Variants in DIAPH2 observed in about 807,000 individuals in gnomAD.
The protein encoded by DIAPH2 is protein diaphanous homolog 2.
In DIAPH2, 35 loss-of-function variants were observed where a neutral mutation model predicts 92.7. The observed-to-expected ratio is 0.38, with a 90% CI of 0.29 to 0.50. The LOEUF (loss-of-function observed/expected upper bound fraction) is 0.50, where lower values mean the gene tolerates loss of function less well. Ranked by LOEUF, DIAPH2 falls within the 20% of genes least tolerant of loss-of-function variation. The pLI, the probability that DIAPH2 is intolerant of heterozygous loss-of-function variation, is 0.94. For missense variants in DIAPH2, 701 were observed against 819.5 expected (o/e 0.86, Z 1.77); for synonymous variants, 301 against 280.4 (o/e 1.07, Z -0.73).
intron 10 of DIAPH2, among the ~76,000 whole-genome samples, chrX:96,933,416 A>G (rs981966384): frequency 2.2e-4 from 23 of 105,534 alleles, no homozygotes; most frequent in African/African-American, 6.2e-4. Context: ...TGCAGCCTCA[A>G]TCTCCTGTGC....
rs1368730505 is a variant in DIAPH2, at chrX:96,976,110, CA to C, written c.2050+10904del. On this transcript the variant is annotated intron_variant, in intron 17 of 26. Transcript: ENST00000324765. Reference sequence around the variant, plus strand: ...CACTGCGGCCTCGACCTCCCAGGGTCATGTGATCCTCCAACCTCAGCCTCCC... The same window carrying C: ...CACTGCGGCCTCGACCTCCCAGGGTCTGTGATCCTCCAACCTCAGCCTCCC... 8.6e-4 allele frequency among the ~76,000 whole-genome samples: 90 copies of C among 105,036 alleles called. 1 individual carries two copies. Among genetic ancestry groups the C allele is most frequent in the African/African-American group, 3.1e-3 (89 of 28,919 alleles). The allele number at this position is 105,036 out of a possible 115,157, so 91.2% of individuals were successfully genotyped here.
rs763781923 is a variant in DIAPH2 at position 97,187,281 on chromosome X, C to CTTTTTTTTTTTTTTTTTTTTTTTT, written c.2719+45510_2719+45511insTTTTTTTTTTTTTTTTTTTTTTTT. The stretch of plus-strand genomic sequence containing the variant: ...AGGGATTGAAGACTAATTAAGTAGC[C>CTTTTTTTTTTTTTTTTTTTTTTTT]TTTTTTTTTTTTTTTTTTTTTTTGC... On this transcript the variant is annotated intron_variant, in intron 22 of 26. Coordinates refer to ENST00000324765, the MANE Select transcript of DIAPH2 (RefSeq NM_006729.5). 1.6e-4 allele frequency among the ~76,000 whole-genome samples: 6 copies of CTTTTTTTTTTTTTTTTTTTTTTTT among 36,883 alleles called. 1 individual carries two copies. Among genetic ancestry groups the CTTTTTTTTTTTTTTTTTTTTTTTT allele is most frequent in the African/African-American group, 4.1e-4 (4 of 9,669 alleles). The allele number at this position is 36,883 out of a possible 115,157, so 32.0% of individuals were successfully genotyped here.
At chrX:97,412,601 C>T (rs180925080) in intron 25 of DIAPH2, among the ~76,000 whole-genome samples, 34 of 111,466 alleles carry the variant, frequency 3.1e-4, no homozygotes, top group Admixed American at 2.7e-3. Flanking sequence ...TTCAAAAAAT[C>T]AATGAATCCA....
At chrX:97,275,458 G>C (rs1306715868) in intron 23 of DIAPH2, among the ~76,000 whole-genome samples, 1 of 99,959 alleles carries the variant, frequency 1.0e-5, no homozygotes, top group Non-Finnish European at 2.1e-5. Context: ...GCTGCCGGGC[G>C]GAGACGCTCC....
At chrX:96,900,590 G>C (rs2065386379) in intron 5 of DIAPH2, among the ~76,000 whole-genome samples, 1 of 111,033 alleles carries the variant, frequency 9.0e-6, no homozygotes, top group South Asian at 3.9e-4. Flanking sequence ...GCTTTGGGTT[G>C]GTCATATATG....
chrX:96,918,738 T>G, intron 9 of DIAPH2, 121 bp downstream of exon 9: 1 of 458,187 alleles, frequency 2.2e-6, no homozygotes, highest in Non-Finnish European at 3.7e-6. Flanking sequence ...AAATTTTTTC[T>G]GTTGCTAGTT....
chrX:97,061,851 G>T (rs2066601399), intron 17 of DIAPH2, among the ~76,000 whole-genome samples: 1 of 102,859 alleles, frequency 9.7e-6, no homozygotes, highest in South Asian at 4.4e-4. Context: ...ATTTTTAACT[G>T]CTTTTGATTT....
chrX:97,512,191 C>G (rs1269816345), intron 26 of DIAPH2, among the ~76,000 whole-genome samples: 270 of 113,169 alleles, frequency 2.4e-3, no homozygotes, highest in African/African-American at 8.1e-3. Flanking sequence ...TTCAGAGACT[C>G]TTATTGGTCT....
rs184160794 is a variant in DIAPH2 at position 96,907,082 on chromosome X, C to T, written c.588-5246C>T. On this transcript the variant is annotated intron_variant, in intron 5 of 26. Transcript: ENST00000324765. ...GTAGCATGTTAAGACAGTTCTTTAA[C>T]TTAGGTAACTTATAACACAAAATCA... Among the ~76,000 whole-genome samples the T allele has an allele frequency of 1.7e-3, 189 of 112,012 alleles. 1 individual carries two copies. The highest frequency in any genetic ancestry group is 5.7e-3 in the African/African-American group (176 of 30,876).
At chrX:97,388,045 T>C (rs2069618689) in intron 25 of DIAPH2, among the ~76,000 whole-genome samples, 1 of 111,530 alleles carries the variant, frequency 9.0e-6, no homozygotes, top group Non-Finnish European at 1.9e-5. Flanking sequence ...AGTTACAGTG[T>C]ACTAGTTTGC....
intron 26 of DIAPH2, among the ~76,000 whole-genome samples, chrX:97,478,090 C>G (rs1448395957): frequency 9.0e-6 from 1 of 111,719 alleles, no homozygotes; most frequent in Non-Finnish European, 1.9e-5. Context: ...GTGGAGTTTT[C>G]CAAAGTTAGC....
intron 24 of DIAPH2, among the ~76,000 whole-genome samples, chrX:97,377,319 A>G (rs964919473): frequency 4.4e-5 from 5 of 112,589 alleles, no homozygotes; most frequent in African/African-American, 1.6e-4. Context: ...AGTATCAAGT[A>G]CTGTGTATTG....
At chrX:97,421,554 C>T (rs2070008614) in intron 25 of DIAPH2, among the ~76,000 whole-genome samples, 2 of 111,893 alleles carry the variant, frequency 1.8e-5, no homozygotes, top group Middle Eastern at 4.2e-3. Context: ...TGCTGATGAC[C>T]TTGCTCACAA....
At chrX:97,293,539 C>G (rs1000259014) in intron 23 of DIAPH2, among the ~76,000 whole-genome samples, 32 of 111,762 alleles carry the variant, frequency 2.9e-4, no homozygotes, top group African/African-American at 9.1e-4. Context: ...GCGTGAGCCA[C>G]TGCCCCCGGT....
chrX:96,941,557 A>G (rs1272265839), intron 12 of DIAPH2, among the ~76,000 whole-genome samples: 1 of 111,367 alleles, frequency 9.0e-6, no homozygotes, highest in African/African-American at 3.3e-5. Context: ...TGTTATAGCT[A>G]TCTTGACTAA....
chrX:97,384,989 A>C (rs2069586155), intron 25 of DIAPH2, among the ~76,000 whole-genome samples: 1 of 111,284 alleles, frequency 9.0e-6, no homozygotes, highest in Non-Finnish European at 1.9e-5. Flanking sequence ...AAGAGAGGGC[A>C]AAAAAAGAAA....
At chrX:97,244,474 A>G (rs758237496) in intron 22 of DIAPH2, among the ~76,000 whole-genome samples, 2 of 111,955 alleles carry the variant, frequency 1.8e-5, no homozygotes, top group Non-Finnish European at 1.9e-5. Flanking sequence ...CCTTTTCCCC[A>G]TTTTAGGTTC....
At chrX:97,226,464 C>G (rs2067966447) in intron 22 of DIAPH2, among the ~76,000 whole-genome samples, 1 of 110,991 alleles carries the variant, frequency 9.0e-6, no homozygotes, top group Admixed American at 9.6e-5. Flanking sequence ...ACCTCCACCT[C>G]CCAGGTTCAA....
rs2071587371 is a variant in DIAPH2 at position 97,600,573 on chromosome X, T to TTAAA, written c.*1262_*1265dup. Reference sequence around the variant, plus strand: ...AGGGAAAACAGGTTCTACATTTTTCTTAAATAAATTAGGGAGTAAAAGTTA... The same window carrying TTAAA: ...AGGGAAAACAGGTTCTACATTTTTCTTAAATAAATAAATTAGGGAGTAAAAGTTA... On this transcript the variant is annotated 3_prime_UTR_variant, in exon 27 of 27. Coordinates refer to ENST00000324765, the MANE Select transcript of DIAPH2 (RefSeq NM_006729.5). 1 of 112,486 alleles carries TTAAA rather than the reference T, an allele frequency of 8.9e-6. No individual in the cohort carries two copies. Among genetic ancestry groups the TTAAA allele is most frequent in the Non-Finnish European group, 1.9e-5 (1 of 53,188 alleles). 9.3% of individuals were successfully genotyped at this position (112,486 alleles called of 1,213,427 possible).
Sources: gnomAD v4.1 joint callset for allele counts (sites outside exome capture counted in the v4.1 genomes callset) on GRCh38, gnomAD v4.1.1 for gene constraint, MANE v1.5 for transcripts, NCBI Gene and HGNC (gene_info 2026-07-23, HGNC 2026-07-21) for gene names.